The following CTNNA3 variants were observed in gnomAD, a reference collection of about 807,000 sequenced individuals.
The protein encoded by CTNNA3 is catenin alpha-3.
CTNNA3 carries 76 observed loss-of-function variants against 95.7 expected under a neutral mutation model. That is an observed-to-expected ratio of 0.79 (90% CI 0.66 to 0.96). CTNNA3 has a LOEUF of 0.96. Ranked by LOEUF, CTNNA3 falls within the 40% of genes least tolerant of loss-of-function variation. The probability of loss-of-function intolerance (pLI) is 0.00; values close to 1 mark genes in which losing one functional copy is unlikely to be tolerated. For synonymous variants in CTNNA3, 431 were observed against 374.4 expected, an observed-to-expected ratio of 1.15 and a Z score of -1.74; for missense variants, 1,191 against 1,089.8, an observed-to-expected ratio of 1.09 and a Z score of -1.31.
In CTNNA3 at chr10:67,230,639, T is replaced by C. The variant is rs148018546; in HGVS notation, c.580-10769A>G. Among the ~76,000 whole-genome samples the C allele has an allele frequency of 3.3e-3, 506 of 152,196 alleles. 1 individual carries two copies. Among genetic ancestry groups the C allele is most frequent in the African/African-American group, 0.011 (472 of 41,518 alleles). On this transcript the variant is annotated intron_variant, in intron 5 of 17. Coordinates refer to ENST00000433211, the MANE Select transcript of CTNNA3 (RefSeq NM_013266.4). The stretch of plus-strand genomic sequence containing the variant: ...TCAAAAAGTGGGCTAAGGACATGAA[T>C]AGACAATGCTCAAAAGAAGATATAC...
At chr10:66,035,706 C>T (rs1032246118) in intron 15 of CTNNA3, among the ~76,000 whole-genome samples, 1 of 151,732 alleles carries the variant, frequency 6.6e-6, no homozygotes, top group African/African-American at 2.4e-5. Context: ...GGTTTCTTGG[C>T]AACATTTGAG....
chr10:67,729,498 A>G (rs1265509295), intron 1 of CTNNA3, among the ~76,000 whole-genome samples: 6 of 152,164 alleles, frequency 3.9e-5, no homozygotes, highest in Non-Finnish European at 7.4e-5. Flanking sequence ...AATTGTCCTA[A>G]TTTAATTTCT....
At chr10:66,841,486 A>G (rs1174729239) in intron 7 of CTNNA3, among the ~76,000 whole-genome samples, 1 of 152,216 alleles carries the variant, frequency 6.6e-6, no homozygotes, top group African/African-American at 2.4e-5. Flanking sequence ...CTTATTTTGG[A>G]AAAAGTAGCT....
At chr10:66,722,034 G>C (rs995269488) in intron 9 of CTNNA3, among the ~76,000 whole-genome samples, 3 of 152,164 alleles carry the variant, frequency 2.0e-5, no homozygotes, top group African/African-American at 7.2e-5. Context: ...AGCACTTAGA[G>C]GGTATTATAG....
At chr10:67,255,297 AAAAT>A (rs749848337) in intron 5 of CTNNA3, among the ~76,000 whole-genome samples, 10 of 151,800 alleles carry the variant, frequency 6.6e-5, no homozygotes, top group East Asian at 1.9e-4. Context: ...CTCCATCTCA[AAAAT>A]AAATAAATAA....
intron 16 of CTNNA3, among the ~76,000 whole-genome samples, chr10:65,981,369 A>G (rs554746110): frequency 6.6e-6 from 1 of 151,972 alleles, no homozygotes; most frequent in Non-Finnish European, 1.5e-5. Flanking sequence ...AAATGGAAAC[A>G]CTCCCATGTT....
At chr10:66,599,096 A>G (rs1843826041) in intron 10 of CTNNA3, among the ~76,000 whole-genome samples, 1 of 151,998 alleles carries the variant, frequency 6.6e-6, no homozygotes. Context: ...ACCCTTGCAT[A>G]TACACATTTG....
chr10:66,422,666 TCAACATTG>T (rs2093205547), intron 11 of CTNNA3, among the ~76,000 whole-genome samples: 1 of 152,198 alleles, frequency 6.6e-6, no homozygotes, highest in African/African-American at 2.4e-5. Context: ...TGTTTATTTT[TCAACATTG>T]CAGATATCGC....
At chr10:67,305,004 C>G (rs151253539) in intron 5 of CTNNA3, among the ~76,000 whole-genome samples, 1 of 151,964 alleles carries the variant, frequency 6.6e-6, no homozygotes, top group South Asian at 2.1e-4. Context: ...AGGCTGGGTG[C>G]GGTGGCTCAT....
At chr10:67,306,554 G>C (rs1050791124) in intron 5 of CTNNA3, among the ~76,000 whole-genome samples, 1 of 152,098 alleles carries the variant, frequency 6.6e-6, no homozygotes, top group Non-Finnish European at 1.5e-5. Context: ...TAAACCTCAG[G>C]AACAAGAGTT....
chr10:65,956,929 G>A (rs897805866), intron 17 of CTNNA3, among the ~76,000 whole-genome samples: 1 of 152,124 alleles, frequency 6.6e-6, no homozygotes, highest in African/African-American at 2.4e-5. Context: ...CTGAGTTCAA[G>A]TCCTGGATAT....
intron 7 of CTNNA3, among the ~76,000 whole-genome samples, chr10:66,907,860 A>G (rs1363765086): frequency 2.0e-4 from 30 of 152,234 alleles, no homozygotes; most frequent in Admixed American, 2.0e-3. Flanking sequence ...GTCCCTTGTC[A>G]TAAAGCAAAT....
intron 14 of CTNNA3, among the ~76,000 whole-genome samples, chr10:66,102,925 T>A (rs779211946): frequency 1.3e-5 from 2 of 152,170 alleles, no homozygotes; most frequent in Non-Finnish European, 2.9e-5. Flanking sequence ...AAAAGCAGTA[T>A]GGAGTGATTC....
At chr10:65,966,032 G>A (rs895932052) in intron 17 of CTNNA3, among the ~76,000 whole-genome samples, 4 of 151,928 alleles carry the variant, frequency 2.6e-5, no homozygotes, top group African/African-American at 9.7e-5. Flanking sequence ...GAGTAGAAAA[G>A]GTATACATTA....
intron 9 of CTNNA3, among the ~76,000 whole-genome samples, chr10:66,749,347 ATCT>A (rs1187038702): frequency 2.6e-5 from 4 of 151,990 alleles, no homozygotes; most frequent in Non-Finnish European, 5.9e-5. Flanking sequence ...TGCCCTAAAA[ATCT>A]TCTGTGCTCT....
At chr10:67,551,913 G>C (rs1195136811) in intron 3 of CTNNA3, among the ~76,000 whole-genome samples, 1 of 152,042 alleles carries the variant, frequency 6.6e-6, no homozygotes, top group Non-Finnish European at 1.5e-5. Flanking sequence ...AGACTAAAGA[G>C]GAAAGAAGAG....
intron 6 of CTNNA3, among the ~76,000 whole-genome samples, chr10:67,219,321 T>C (rs959859681): frequency 1.2e-4 from 18 of 152,288 alleles, no homozygotes; most frequent in African/African-American, 3.8e-4. Flanking sequence ...AATCTTATGC[T>C]TCATAAGTAG....
chr10:67,754,665 C>A (rs1030291239), intron 1 of CTNNA3, among the ~76,000 whole-genome samples: 1 of 152,122 alleles, frequency 6.6e-6, no homozygotes, highest in Admixed American at 6.5e-5. Flanking sequence ...GCACAGGCAA[C>A]CAAAGCAAAA....
chr10:67,520,498 G>A (rs1013323640), intron 5 of CTNNA3, among the ~76,000 whole-genome samples: 6 of 152,138 alleles, frequency 3.9e-5, no homozygotes, highest in African/African-American at 4.8e-5. Context: ...TGCATAGGCC[G>A]GAGGAGTGAC....
Sources: allele counts gnomAD v4.1 joint callset (sites outside exome capture counted in the v4.1 genomes callset), GRCh38; gene constraint gnomAD v4.1.1; transcripts MANE v1.5; gene names NCBI Gene and HGNC (gene_info 2026-07-23, HGNC 2026-07-21).